Variants in TMEM74 observed in about 807,000 individuals in gnomAD.
TMEM74 encodes the protein transmembrane protein 74.
TMEM74 carries 13 observed loss-of-function variants against 18.1 expected under a neutral mutation model. The observed-to-expected ratio is 0.72, with a 90% CI of 0.47 to 1.14. The LOEUF is 1.14. TMEM74 is among the 50% of genes most tolerant of loss of function. The pLI, the probability that TMEM74 is intolerant of heterozygous loss-of-function variation, is 0.00. For synonymous variants in TMEM74, 159 were observed against 146.6 expected, an observed-to-expected ratio of 1.08 and a Z score of -0.61; for missense variants, 372 against 375.9, an observed-to-expected ratio of 0.99 and a Z score of 0.09.
chr8:108,707,847 T>G (rs1760391465), intron 1 of TMEM74, among the ~76,000 whole-genome samples: 1 of 152,182 alleles, frequency 6.6e-6, no homozygotes, highest in African/African-American at 2.4e-5. Flanking sequence ...CAAGTAGGAT[T>G]ATATCAAAGT....
At chr8:108,702,125 A>T (rs1022092454) in intron 1 of TMEM74, among the ~76,000 whole-genome samples, 1 of 151,934 alleles carries the variant, frequency 6.6e-6, no homozygotes, top group South Asian at 2.1e-4. Flanking sequence ...TGGGCGGATC[A>T]TGAGGTCAGG....
chr8:108,702,326 C>A lies in TMEM74; in HGVS notation n.120-46889G>T, dbSNP rs1236990043. On this transcript the variant is annotated intron_variant and non_coding_transcript_variant, in intron 1 of 3. Coordinates refer to the TMEM74 transcript ENST00000518838. ...AGCCACTGCACTCCAGCCCTGGCGA[C>A]GGTGTGAGACTCCATCTAAAAAAAA... Among the ~76,000 whole-genome samples the A allele has an allele frequency of 2.3e-5, 3 of 132,544 alleles. No individual in the cohort carries two copies. The South Asian group carries it at 7.4e-4, about 33-fold the overall frequency. 87.0% of individuals were successfully genotyped at this position (132,544 alleles called of 152,430 possible).
At chr8:108,680,167 G>A (rs942128102) in intron 1 of TMEM74, among the ~76,000 whole-genome samples, 2 of 152,184 alleles carry the variant, frequency 1.3e-5, no homozygotes, top group Non-Finnish European at 2.9e-5. Flanking sequence ...CTCATTTTAT[G>A]AGGCTAGCAT....
intron 2 of TMEM74, among the ~76,000 whole-genome samples, chr8:108,630,732 G>T (rs1426157150): frequency 1.3e-5 from 2 of 151,814 alleles, no homozygotes; most frequent in Non-Finnish European, 2.9e-5. Context: ...TTATTTACTG[G>T]GTAAATAATG....
chr8:108,775,998 T>A (rs764837525), downstream of TMEM74, among the ~76,000 whole-genome samples: 2 of 152,376 alleles, frequency 1.3e-5, no homozygotes, highest in African/African-American at 2.4e-5. Flanking sequence ...TTTGGCAGAA[T>A]GTGAACAAGG....
intron 1 of TMEM74, among the ~76,000 whole-genome samples, chr8:108,704,750 T>C (rs1303066550): frequency 6.6e-6 from 1 of 152,174 alleles, no homozygotes; most frequent in Admixed American, 6.5e-5. Context: ...TGTCAGAACA[T>C]AGATGGAGGC....
intron 1 of TMEM74, among the ~76,000 whole-genome samples, chr8:108,744,504 G>T (rs1813830757): frequency 6.6e-6 from 1 of 152,144 alleles, no homozygotes; most frequent in Non-Finnish European, 1.5e-5. Flanking sequence ...AGGGCAGGTA[G>T]GGTGGTAAAG....
chr8:108,723,079 T>C (rs972827315), intron 1 of TMEM74, among the ~76,000 whole-genome samples: 1 of 152,158 alleles, frequency 6.6e-6, no homozygotes, highest in African/African-American at 2.4e-5. Flanking sequence ...CTGGGTACAG[T>C]CTGTGCTGCA....
intron 2 of TMEM74, among the ~76,000 whole-genome samples, chr8:108,638,564 TAAA>T (rs34250538): frequency 1.4e-5 from 2 of 138,118 alleles, no homozygotes; most frequent in Non-Finnish European, 1.6e-5. Flanking sequence ...TCTCTAGCAT[TAAA>T]AAAAAAAAAA....
At chr8:108,756,601 AG>A (rs1813966950) in intron 1 of TMEM74, among the ~76,000 whole-genome samples, 1 of 52,502 alleles carries the variant, frequency 1.9e-5, no homozygotes, top group Admixed American at 1.8e-4. Context: ...AGAAAGAGAA[AG>A]GAAGGAAGGA....
At chr8:108,675,162 T>G (rs1344007963) in intron 1 of TMEM74, among the ~76,000 whole-genome samples, 1 of 152,194 alleles carries the variant, frequency 6.6e-6, no homozygotes, top group Non-Finnish European at 1.5e-5. Flanking sequence ...TTGCCCACTG[T>G]GGCAGCTGGC....
At chr8:108,717,255 A>T (rs1042394247) in intron 1 of TMEM74, among the ~76,000 whole-genome samples, 18 of 152,192 alleles carry the variant, frequency 1.2e-4, no homozygotes, top group African/African-American at 4.3e-4. Context: ...AATTTAACAC[A>T]AGAAAAGGAA....
rs145217826 is a variant in TMEM74 at position 108,683,796 on chromosome 8, C to T, written n.120-28359G>A. Among the ~76,000 whole-genome samples the T allele has an allele frequency of 3.9e-3, 598 of 152,106 alleles. 8 individuals carry two copies. Among genetic ancestry groups the T allele is most frequent in the African/African-American group, 0.014 (567 of 41,552 alleles). ...AGTCTCTGGTATCCTCTATTCTACT[C>T]TTTACTTCTATGATATCAACTTTTT... On this transcript the variant is annotated intron_variant and non_coding_transcript_variant, in intron 1 of 3. Coordinates refer to the TMEM74 transcript ENST00000518838.
intron 2 of TMEM74, among the ~76,000 whole-genome samples, chr8:108,629,753 GA>G (rs1290678305): frequency 6.6e-6 from 1 of 151,964 alleles, no homozygotes; most frequent in Non-Finnish European, 1.5e-5. Flanking sequence ...AAGCAAAGGA[GA>G]AATAAAATCC....
At chr8:108,760,174 G>GA (rs57743856) in intron 1 of TMEM74, among the ~76,000 whole-genome samples, 12 of 150,072 alleles carry the variant, frequency 8.0e-5, no homozygotes, top group African/African-American at 3.0e-4. Context: ...GAGAGAGAGA[G>GA]GGAGAGAGAG....
At chr8:108,657,856 AAAAATATATATATATATATATATAT>A (rs1165211361) in intron 1 of TMEM74, among the ~76,000 whole-genome samples, 2 of 69,822 alleles carry the variant, frequency 2.9e-5, no homozygotes, top group African/African-American at 6.8e-5. Flanking sequence ...AAAAAAAAAA[AAAAATATATATATATATATATATAT>A]ATATATATAT....
At chr8:108,727,806 A>G (rs1043307954) in intron 1 of TMEM74, among the ~76,000 whole-genome samples, 1 of 152,202 alleles carries the variant, frequency 6.6e-6, no homozygotes, top group Non-Finnish European at 1.5e-5. Context: ...AGCCTCCAAC[A>G]TCAAAGAGCC....
chr8:108,787,187 G>A (rs1028643981), intron 1 of TMEM74, among the ~76,000 whole-genome samples: 2 of 152,166 alleles, frequency 1.3e-5, no homozygotes, highest in African/African-American at 4.8e-5. Context: ...AACTGACACA[G>A]GCAAGGCTGA....
intron 1 of TMEM74, among the ~76,000 whole-genome samples, chr8:108,663,355 T>C (rs928979046): frequency 6.6e-6 from 1 of 151,984 alleles, no homozygotes; most frequent in Middle Eastern, 3.2e-3. Context: ...AACAAACATA[T>C]GGAAAAAAGC....
Sources: gnomAD v4.1 joint callset for allele counts (sites outside exome capture counted in the v4.1 genomes callset) on GRCh38, gnomAD v4.1.1 for gene constraint, MANE v1.5 for transcripts, NCBI Gene and HGNC (gene_info 2026-07-23, HGNC 2026-07-21) for gene names.